The following SBF2 variants were observed in gnomAD, a reference collection of about 807,000 sequenced individuals.
The protein encoded by SBF2 is SET binding factor 2.
Under a neutral mutation model 225.2 loss-of-function variants are expected in SBF2, and 112 were observed. The observed-to-expected ratio is 0.50, with a 90% CI of 0.43 to 0.58. The LOEUF is 0.58. Among genes scored for constraint, SBF2 ranks in the 20% least tolerant of loss-of-function variants. The probability of loss-of-function intolerance (pLI) is 0.00; values close to 1 mark genes in which losing one functional copy is unlikely to be tolerated. For synonymous variants in SBF2, 763 were observed against 773.3 expected (o/e 0.99, Z 0.22); for missense variants, 1,996 against 2,206.2 (o/e 0.90, Z 1.91).
chr11:10,252,835 C>CAAA (rs147297840), intron 1 of SBF2, among the ~76,000 whole-genome samples: 4 of 141,084 alleles, frequency 2.8e-5, no homozygotes, highest in East Asian at 2.0e-4. Context: ...AAAAAAAAAT[C>CAAA]AAAAAAAAGA....
At chr11:10,059,060 T>G (rs1950345560) in intron 2 of SBF2, among the ~76,000 whole-genome samples, 1 of 152,040 alleles carries the variant, frequency 6.6e-6, no homozygotes, top group Non-Finnish European at 1.5e-5. Flanking sequence ...AAAACACACT[T>G]AAACACACAG....
At chr11:9,989,691 C>T in intron 12 of SBF2, 96 bp from the exon 13 acceptor site, 4 of 731,794 alleles carry the variant, frequency 5.5e-6, no homozygotes, top group Non-Finnish European at 9.3e-6. Context: ...CAAAAAAATC[C>T]AACATATACA....
In SBF2 at chr11:9,906,079, C is replaced by G. The variant is rs144479796; in HGVS notation, c.1861-10068G>C. 1.3e-3 allele frequency among the ~76,000 whole-genome samples: 198 copies of G among 152,248 alleles called. 2 individuals carry two copies. The highest frequency in any genetic ancestry group is 4.7e-3 in the African/African-American group (194 of 41,556). ...AAAAGTATGAATCATCTTTTTCTTC[C>G]TGACTTATTCCTCACCCCCTTAGGA... On this transcript the variant is annotated intron_variant, in intron 16 of 39. Coordinates refer to ENST00000256190, the MANE Select transcript of SBF2 (RefSeq NM_030962.4).
At chr11:9,903,300 C>T (rs1018135347) in intron 16 of SBF2, among the ~76,000 whole-genome samples, 3 of 150,856 alleles carry the variant, frequency 2.0e-5, no homozygotes, top group Non-Finnish European at 2.9e-5. Flanking sequence ...CCAGCCTGGG[C>T]GACAGAGCAA....
At chr11:10,056,068 G>A (rs1433905130) in intron 2 of SBF2, among the ~76,000 whole-genome samples, 1 of 152,154 alleles carries the variant, frequency 6.6e-6, no homozygotes, top group African/African-American at 2.4e-5. Context: ...CTAATTATAA[G>A]TTTAAAATAA....
rs567102824 is a variant in SBF2, at chr11:9,846,555, A to C, written c.2934+401T>G. On this transcript the variant is annotated intron_variant, in intron 23 of 39. Coordinates refer to ENST00000256190, the MANE Select transcript of SBF2 (RefSeq NM_030962.4). ...AGGGGTATGCAACTAGTACCAATAGAACTTTAGCCCTAGCTATACTGTTTA... is the reference window on the plus strand; with the variant it reads ...AGGGGTATGCAACTAGTACCAATAGCACTTTAGCCCTAGCTATACTGTTTA... 1.2e-3 allele frequency among the ~76,000 whole-genome samples: 188 copies of C among 152,348 alleles called. 1 individual carries two copies. Among genetic ancestry groups the C allele is most frequent in the African/African-American group, 4.2e-3 (176 of 41,592 alleles).
chr11:10,160,654 TGAGA>T (rs1357868487), intron 2 of SBF2, among the ~76,000 whole-genome samples: 1 of 152,146 alleles, frequency 6.6e-6, no homozygotes, highest in African/African-American at 2.4e-5. Context: ...TCCTTTTTCA[TGAGA>T]GAGAGAAAAA....
chr11:9,789,511 A>G (rs972379265), intron 34 of SBF2, among the ~76,000 whole-genome samples, 169 bp from the exon 35 acceptor site: 8 of 152,224 alleles, frequency 5.3e-5, no homozygotes, highest in Non-Finnish European at 1.0e-4. Context: ...AAATTATTAA[A>G]TAAAACATTC....
intron 26 of SBF2, among the ~76,000 whole-genome samples, chr11:9,837,723 T>G (rs1391337713): frequency 6.7e-6 from 1 of 149,200 alleles, no homozygotes. Flanking sequence ...ATATTAGATT[T>G]GTCCCTTAAA....
intron 2 of SBF2, among the ~76,000 whole-genome samples, chr11:10,127,310 T>C (rs1490327564): frequency 6.6e-6 from 1 of 152,172 alleles, no homozygotes; most frequent in Non-Finnish European, 1.5e-5. Flanking sequence ...TATGCTTTAC[T>C]ATTTACTGAC....
At chr11:9,909,698 C>T (rs1005616995) in intron 16 of SBF2, among the ~76,000 whole-genome samples, 20 of 150,930 alleles carry the variant, frequency 1.3e-4, no homozygotes, top group Admixed American at 9.2e-4. Flanking sequence ...GATACCCTGA[C>T]GACTTTGTGG....
chr11:9,819,948 A>G (rs1337736655), intron 28 of SBF2, among the ~76,000 whole-genome samples: 2 of 152,206 alleles, frequency 1.3e-5, no homozygotes, highest in Admixed American at 6.5e-5. Flanking sequence ...ACCCAATATC[A>G]CTAATAATAC....
intron 27 of SBF2, among the ~76,000 whole-genome samples, chr11:9,831,395 T>C (rs891077709): frequency 6.6e-6 from 1 of 152,194 alleles, no homozygotes; most frequent in Non-Finnish European, 1.5e-5. Flanking sequence ...ATTACACCAG[T>C]AGTGAGACTT....
intron 2 of SBF2, among the ~76,000 whole-genome samples, chr11:10,167,320 C>T (rs565301706): frequency 1.3e-5 from 2 of 152,246 alleles, no homozygotes; most frequent in African/African-American, 4.8e-5. Context: ...AGTCTAGTTA[C>T]AGGCCAGGCG....
At chr11:9,845,437 T>A in intron 24 of SBF2, 128 bp downstream of exon 24, 2 of 891,410 alleles carry the variant, frequency 2.2e-6, no homozygotes, top group Non-Finnish European at 1.8e-6. Context: ...CTTGGCCCCA[T>A]GGGCTTGACA....
intron 38 of SBF2, among the ~76,000 whole-genome samples, chr11:9,782,487 A>G (rs1408725036): frequency 1.3e-5 from 2 of 152,216 alleles, no homozygotes; most frequent in South Asian, 2.1e-4. Flanking sequence ...ATCATCTCAA[A>G]TACTGCCAGT....
At chr11:10,012,552 T>C (rs910847093) in intron 6 of SBF2, among the ~76,000 whole-genome samples, 3 of 152,242 alleles carry the variant, frequency 2.0e-5, no homozygotes, top group Non-Finnish European at 2.9e-5. Context: ...ATATTTTGTC[T>C]TAATTCTTTC....
At chr11:10,210,564 G>T (rs1957902079) in intron 1 of SBF2, among the ~76,000 whole-genome samples, 1 of 152,074 alleles carries the variant, frequency 6.6e-6, no homozygotes. Context: ...GAAAAAAATA[G>T]TATTAGGAGA....
At chr11:10,233,835 A>G (rs1343352721) in intron 1 of SBF2, among the ~76,000 whole-genome samples, 1 of 152,222 alleles carries the variant, frequency 6.6e-6, no homozygotes, top group African/African-American at 2.4e-5. Flanking sequence ...ATTTCTGCCT[A>G]ACATGGGACT....
Sources: gnomAD v4.1 joint callset for allele counts (sites outside exome capture counted in the v4.1 genomes callset) on GRCh38, gnomAD v4.1.1 for gene constraint, MANE v1.5 for transcripts, NCBI Gene and HGNC (gene_info 2026-07-23, HGNC 2026-07-21) for gene names.